DYNC1LI2: variants seen among roughly 807,000 people sequenced by gnomAD.
The protein encoded by DYNC1LI2 is cytoplasmic dynein 1 light intermediate chain 2.
DYNC1LI2 carries 19 observed loss-of-function variants against 57.8 expected under a neutral mutation model. That is an observed-to-expected ratio of 0.33 (90% CI 0.23 to 0.48). The LOEUF is 0.48. Ranked by LOEUF, DYNC1LI2 falls within the 20% of genes least tolerant of loss-of-function variation. DYNC1LI2 has a pLI of 0.99. For synonymous variants in DYNC1LI2, 256 were observed against 233.4 expected, an observed-to-expected ratio of 1.10 and a Z score of -0.88; for missense variants, 470 against 604.2, an observed-to-expected ratio of 0.78 and a Z score of 2.33.
rs2017586724 is a variant in DYNC1LI2 at position 66,729,051 on chromosome 16, T to C, written c.1090A>G (p.Met364Val). 1 of 1,614,096 alleles carries C rather than the reference T, an allele frequency of 6.2e-7. No homozygotes were observed. The highest frequency in any genetic ancestry group is 1.3e-5 in the African/African-American group (1 of 74,932). Residue 364 changes from methionine (M) to valine (V), a missense_variant, in exon 9 of 13, where the codon ATG becomes GTG. Physicochemically the swap from Met to Val is conservative, Grantham distance 21. Transcript: ENST00000258198. ...ACTGGTCTTCTTACCTGTTGCTTCA[T>C]TAGGAACACCTGCTCATCTTCTGCT... The part of the protein sequence containing the change: ...LAAEDEQVFL[M>V]KQQSLLAKQP...
chr16:66,728,221 C>T lies in DYNC1LI2; in HGVS notation c.1123G>A (p.Ala375Thr). Residue 375 changes from alanine to threonine, a missense_variant, in exon 10 of 13, where the codon GCC becomes ACC. Physicochemically the swap from Ala to Thr is moderately conservative, Grantham distance 58. Transcript: ENST00000258198. ...CTCACAGAAGCTCTCGTGGGAGTGG[C>T]TGGTTGCTTGGCAAGGAGTGACTGC... is the stretch of plus-strand genomic sequence containing the variant. ...KQQSLLAKQP[A>T]TPTRASESPA... 3 of 1,614,072 alleles carry T rather than the reference C, an allele frequency of 1.9e-6. No individual in the cohort carries two copies. Among genetic ancestry groups the T allele is most frequent in the Non-Finnish European group, 2.5e-6 (3 of 1,180,018 alleles).
In DYNC1LI2 at chr16:66,723,644, T is replaced by A; in HGVS notation, c.*78A>T. ...CCCAAAAAACTGATAGCATGTGCCA[T>A]ATCAGAAAAATCCTGGTCTTAGCAG... On this transcript the variant is annotated 3_prime_UTR_variant, in exon 13 of 13. Coordinates refer to ENST00000258198, the MANE Select transcript of DYNC1LI2 (RefSeq NM_006141.3). 7.8e-7 allele frequency: 1 copy of A among 1,284,908 alleles called. No homozygotes were observed. The allele number at this position is 1,284,908 out of a possible 1,614,324, so 79.6% of individuals were successfully genotyped here. A position where few individuals can be genotyped will look rare whatever the true frequency, so the allele number is the denominator to read the frequency against.
chr16:66,746,423 A>G (rs545205210), intron 3 of DYNC1LI2, among the ~76,000 whole-genome samples: 2 of 152,320 alleles, frequency 1.3e-5, no homozygotes, highest in East Asian at 3.9e-4. Flanking sequence ...ACACAGTAAG[A>G]AAGACTAGGG....
intron 9 of DYNC1LI2, 43 bp from the exon 10 acceptor site, chr16:66,728,285 G>A (rs1339107305): frequency 6.2e-7 from 1 of 1,612,058 alleles, no homozygotes; most frequent in South Asian, 1.1e-5. Flanking sequence ...AAGGCCTGCA[G>A]AGAGCACTGA....
chr16:66,738,930 CACACAAAT>C (rs1384364468), intron 4 of DYNC1LI2: 5 of 131,456 alleles, frequency 3.8e-5, no homozygotes, highest in African/African-American at 1.4e-4. Context: ...CACACACACA[CACACAAAT>C]ACTTCACTGT....
chr16:66,748,305 A>AAT (rs1441454828), intron 3 of DYNC1LI2, among the ~76,000 whole-genome samples: 1 of 137,340 alleles, frequency 7.3e-6, no homozygotes, highest in Non-Finnish European at 1.5e-5. Flanking sequence ...AAAAAAAAAA[A>AAT]CTAACATAAA....
At position 66,730,218 on chromosome 16, in the gene DYNC1LI2, G is replaced by A. The variant is rs1779675542; in HGVS notation, c.935C>T (p.Ala312Val). The A allele has an allele frequency of 1.9e-6, 3 of 1,612,970 alleles. No homozygotes were observed. Among genetic ancestry groups the A allele is most frequent in the Non-Finnish European group, 2.5e-6 (3 of 1,179,516 alleles). ...TATTTTCTTTTCATTGTCCCAGCCT[G>A]CAGGTCTAAAGGCAAAGAGAGAGGG... ...VVEKDAVFIP[A>V]GWDNEKKIAI... The change falls in exon 8 of 13, where the codon GCA (alanine) becomes GTA (valine). Residue 312 changes from alanine (A) to valine (V), a missense_variant. By Grantham distance (64) the Ala-to-Val change is moderately conservative. Coordinates refer to ENST00000258198, the MANE Select transcript of DYNC1LI2 (RefSeq NM_006141.3).
At chr16:66,738,749 C>T (rs2017783349) in intron 4 of DYNC1LI2, 1 of 152,062 alleles carries the variant, frequency 6.6e-6, no homozygotes, top group South Asian at 2.1e-4. Flanking sequence ...GTGGCGGGCA[C>T]CTGTAATCCC....
intron 12 of DYNC1LI2, 99 bp from the exon 13 acceptor site, chr16:66,723,921 C>T (rs758412552): frequency 1.3e-5 from 12 of 949,672 alleles, no homozygotes; most frequent in Non-Finnish European, 1.7e-5. Flanking sequence ...TCTATAATCA[C>T]TTGATGACAG....
At chr16:66,749,149 C>G in intron 3 of DYNC1LI2, 48 bp downstream of exon 3, 5 of 1,581,758 alleles carry the variant, frequency 3.2e-6, no homozygotes, top group Non-Finnish European at 4.3e-6. Context: ...AGGAAGCAGT[C>G]AGAGTCCTGC....
Position 66,727,912 on chromosome 16 carries a change from T to C in DYNC1LI2, c.1144-107A>G, listed in dbSNP as rs373747881. On this transcript the variant is annotated intron_variant, in intron 10 of 12. Coordinates refer to ENST00000258198, the MANE Select transcript of DYNC1LI2 (RefSeq NM_006141.3). ...GAGGGATATTTTTCACAGGCTATGG[T>C]ACAGGACTGGGAGTATGCTCTCAAT... 18 of 1,057,890 alleles carry C rather than the reference T, an allele frequency of 1.7e-5. No individual in the cohort carries two copies. The East Asian group carries it at 2.1e-4, about 13-fold the overall frequency. The allele number at this position is 1,057,890 out of a possible 1,614,324, so 65.5% of individuals were successfully genotyped here. A position where few individuals can be genotyped will look rare whatever the true frequency, so the allele number is the denominator to read the frequency against.
chr16:66,747,830 C>T (rs2017965395), intron 3 of DYNC1LI2, among the ~76,000 whole-genome samples: 1 of 151,878 alleles, frequency 6.6e-6, no homozygotes, highest in Non-Finnish European at 1.5e-5. Context: ...CTCAGCCACC[C>T]AAAGTGCTAG....
At chr16:66,744,344 G>A (rs973016980) in intron 3 of DYNC1LI2, among the ~76,000 whole-genome samples, 13 of 152,162 alleles carry the variant, frequency 8.5e-5, no homozygotes, top group Admixed American at 5.9e-4. Context: ...GAGCCAGTGC[G>A]CCCAGCCAGA....
rs748626038 is a variant in DYNC1LI2 at position 66,736,065 on chromosome 16, T to G, written c.699+10A>C. 1 of 1,611,076 alleles carries G rather than the reference T, an allele frequency of 6.2e-7. No homozygotes were observed. On this transcript the variant is annotated intron_variant, in intron 5 of 12. Coordinates refer to ENST00000258198, the MANE Select transcript of DYNC1LI2 (RefSeq NM_006141.3). ...GAACCCAGCCAAGCCAACAACCCCC[T>G]GGCACACACCTTTGTGCACACCACC...
At chr16:66,729,310 C>G (rs2017592134) in intron 8 of DYNC1LI2, among the ~76,000 whole-genome samples, 1 of 152,180 alleles carries the variant, frequency 6.6e-6, no homozygotes, top group African/African-American at 2.4e-5. Context: ...TTAAGTCTGG[C>G]AGGTTCTAAA....
At chr16:66,741,924 C>A (rs1034811927) in intron 4 of DYNC1LI2, among the ~76,000 whole-genome samples, 14 of 146,898 alleles carry the variant, frequency 9.5e-5, no homozygotes, top group African/African-American at 3.6e-4. Context: ...AAAAAAAGAC[C>A]CTCCTATTTC....
Position 66,723,519 on chromosome 16 carries a change from C to T in DYNC1LI2, c.*203G>A. The T allele has an allele frequency of 1.5e-6, 1 of 655,322 alleles. No individual in the cohort carries two copies. Among genetic ancestry groups the T allele is most frequent in the Non-Finnish European group, 2.8e-6 (1 of 358,004 alleles). 40.6% of individuals were successfully genotyped at this position (655,322 alleles called of 1,614,324 possible). Reference sequence around the variant, plus strand: ...CATGCCCCAGAGTCCAAGGGTTATCCTTAACAAAGGGTCTGACATGTAACC... The same window carrying T: ...CATGCCCCAGAGTCCAAGGGTTATCTTTAACAAAGGGTCTGACATGTAACC... On this transcript the variant is annotated 3_prime_UTR_variant, in exon 13 of 13. Coordinates refer to ENST00000258198, the MANE Select transcript of DYNC1LI2 (RefSeq NM_006141.3).
intron 3 of DYNC1LI2, among the ~76,000 whole-genome samples, chr16:66,745,365 G>A (rs1425126954): frequency 3.3e-5 from 5 of 152,072 alleles, no homozygotes; most frequent in African/African-American, 9.6e-5. Context: ...TGCAGCCCAC[G>A]CCTCCCAGGT....
intron 4 of DYNC1LI2, chr16:66,738,334 C>T (rs2017774720): frequency 6.7e-6 from 1 of 148,592 alleles, no homozygotes; most frequent in Non-Finnish European, 1.5e-5. Flanking sequence ...CTGCATCCTC[C>T]ACCTGCCGGG....
Sources: allele counts gnomAD v4.1 joint callset (sites outside exome capture counted in the v4.1 genomes callset), GRCh38; gene constraint gnomAD v4.1.1; transcripts MANE v1.5; gene names NCBI Gene and HGNC (gene_info 2026-07-23, HGNC 2026-07-21).